Variants in PRKCH observed in about 807,000 individuals in gnomAD.
PRKCH encodes the protein protein kinase C eta.
Under a neutral mutation model 82.5 loss-of-function variants are expected in PRKCH, and 28 were observed. That is an observed-to-expected ratio of 0.34 (90% CI 0.25 to 0.47). PRKCH has a LOEUF of 0.47. Among genes scored for constraint, PRKCH ranks in the 20% least tolerant of loss-of-function variants. The pLI is 1.00. For missense variants in PRKCH, 705 were observed against 881.8 expected (o/e 0.80, Z 2.54); for synonymous variants, 322 against 327.4 (o/e 0.98, Z 0.18).
intron 9 of PRKCH, among the ~76,000 whole-genome samples, chr14:61,481,687 C>T (rs182007472): frequency 1.2e-4 from 18 of 152,326 alleles, no homozygotes; most frequent in Middle Eastern, 3.4e-3. Context: ...AAATGTCACC[C>T]CGATCCCACA....
At position 61,188,611 on chromosome 14, in the gene PRKCH, G is replaced by GTGT. The variant is rs1451024024; in HGVS notation, c.-19+943_-19+944insTGT. On this transcript the variant is annotated intron_variant, in intron 1 of 3. Coordinates refer to the PRKCH transcript ENST00000555185. The stretch of plus-strand genomic sequence containing the variant: ...TGTCGGGGGGGTGGGGGGGTGGTGT[G>GTGT]GTGTGTGTGTGTGTGTGTGTGTGTG... 3.9e-5 allele frequency among the ~76,000 whole-genome samples: 2 copies of GTGT among 51,026 alleles called. 1 individual carries two copies. Among genetic ancestry groups the GTGT allele is most frequent in the African/African-American group, 1.4e-4 (2 of 14,286 alleles). 33.5% of individuals were successfully genotyped at this position (51,026 alleles called of 152,430 possible). A position where few individuals can be genotyped will look rare whatever the true frequency, so the allele number is the denominator to read the frequency against.
intron 7 of PRKCH, among the ~76,000 whole-genome samples, chr14:61,454,090 T>C (rs80156123): frequency 6.1e-5 from 9 of 146,738 alleles, no homozygotes; most frequent in East Asian, 2.3e-4. Flanking sequence ...CTTTCTTTCC[T>C]TTTTTTTTTC....
rs1369042178 is a variant in PRKCH at position 61,433,745 on chromosome 14, A to G, written c.428-9366A>G. Among the ~76,000 whole-genome samples the G allele has an allele frequency of 1.2e-4, 19 of 152,368 alleles. No homozygotes were observed. In the East Asian group the frequency reaches 3.1e-3, roughly 25 times the overall value. On this transcript the variant is annotated intron_variant, in intron 2 of 13. Transcript: ENST00000332981. ...AAGAACAGAAACAGCAACTTTTAAA[A>G]AGATATGAAAAGATGTTTTGGGTGA...
intron 2 of PRKCH, among the ~76,000 whole-genome samples, chr14:61,439,517 CT>C (rs1883850114): frequency 1.3e-5 from 2 of 152,186 alleles, no homozygotes; most frequent in African/African-American, 4.8e-5. Context: ...GTCCATGTCC[CT>C]GTATGAAAGT....
chr14:61,475,738 T>C (rs1885701996), intron 9 of PRKCH, among the ~76,000 whole-genome samples: 1 of 152,244 alleles, frequency 6.6e-6, no homozygotes, highest in Non-Finnish European at 1.5e-5. Flanking sequence ...AGTGTATGTT[T>C]TTTACTTTTT....
chr14:61,207,148 C>A (rs1294217113), intron 1 of PRKCH, among the ~76,000 whole-genome samples: 2 of 139,840 alleles, frequency 1.4e-5, no homozygotes, highest in African/African-American at 5.2e-5. Context: ...GTACTGACAT[C>A]CCCTAAGGGC....
At chr14:61,288,728 G>C (rs570378632) in intron 1 of PRKCH, among the ~76,000 whole-genome samples, 1 of 152,312 alleles carries the variant, frequency 6.6e-6, no homozygotes, top group Admixed American at 6.5e-5. Flanking sequence ...AGTTCACTCA[G>C]AGCAGGCTCT....
At chr14:61,284,085 G>A (rs1003896838) in intron 1 of PRKCH, among the ~76,000 whole-genome samples, 21 of 152,186 alleles carry the variant, frequency 1.4e-4, no homozygotes, top group African/African-American at 4.1e-4. Flanking sequence ...GGCTGGAGAC[G>A]CTGATCCACC....
chr14:61,530,644 GTTTCATGTGCTGC>G, intron 12 of PRKCH, 49 bp downstream of exon 12: 1 of 1,525,382 alleles, frequency 6.6e-7, no homozygotes, highest in Non-Finnish European at 8.9e-7. Flanking sequence ...AAACCAGCTT[GTTTCATGTGCTGC>G]TTGAGTCTTT....
intron 10 of PRKCH, among the ~76,000 whole-genome samples, chr14:61,506,219 A>G (rs1887141891): frequency 6.6e-6 from 1 of 152,210 alleles, no homozygotes; most frequent in Non-Finnish European, 1.5e-5. Flanking sequence ...TGACAGAAAT[A>G]CTGTGCTCAG....
At chr14:61,290,045 G>C (rs966961313) in intron 1 of PRKCH, among the ~76,000 whole-genome samples, 1 of 152,164 alleles carries the variant, frequency 6.6e-6, no homozygotes, top group African/African-American at 2.4e-5. Flanking sequence ...TGTTATCCCA[G>C]CACTTGGGGA....
intron 1 of PRKCH, among the ~76,000 whole-genome samples, chr14:61,324,447 AT>A (rs753285080): frequency 2.0e-5 from 3 of 151,990 alleles, no homozygotes; most frequent in African/African-American, 4.8e-5. Flanking sequence ...CAGAAGGCAG[AT>A]TTTTTTTTTG....
At chr14:61,373,544 A>T (rs1199891961) in intron 1 of PRKCH, among the ~76,000 whole-genome samples, 1 of 151,848 alleles carries the variant, frequency 6.6e-6, no homozygotes, top group East Asian at 1.9e-4. Context: ...GGCCCCTCCC[A>T]AATCTCATGT....
At position 61,280,087 on chromosome 14, in the gene PRKCH, C is replaced by T; in HGVS notation, c.-19+92419C>T. The T allele has an allele frequency of 2.5e-6, 4 of 1,601,538 alleles. No homozygotes were observed. In the South Asian group the frequency reaches 3.4e-5, roughly 13 times the overall value. On this transcript the variant is annotated intron_variant, in intron 1 of 3. Coordinates refer to the PRKCH transcript ENST00000555185. This position sits in a 1 kb window ranked among gnomAD's most constrained non-coding sequence, Gnocchi z 5.0. ...GAAGCAGGAGGGATCCCTGGAAAGC[C>T]GGAATCACTCCTCGTCGTCGTCGTC...
chr14:61,259,674 T>C (rs2045029598), intron 1 of PRKCH, among the ~76,000 whole-genome samples: 1 of 152,220 alleles, frequency 6.6e-6, no homozygotes, highest in Admixed American at 6.5e-5. Context: ...GGTCAATTAA[T>C]CTTTTCAATA....
chr14:61,382,202 A>G (rs2046521330), intron 1 of PRKCH, among the ~76,000 whole-genome samples: 1 of 152,186 alleles, frequency 6.6e-6, no homozygotes. Context: ...AGGCTGAGGC[A>G]GGTGGATCAC....
rs112045119 is a variant in PRKCH, at chr14:61,532,146, T to C, written c.1761+1551T>C. On this transcript the variant is annotated intron_variant, in intron 12 of 13. Transcript: ENST00000332981. ...CCTTCATCATACTAATGGTTTTCCA[T>C]GCTCCACATATTTAGTCCAATTACT... is the stretch of plus-strand genomic sequence containing the variant. 8.7e-3 allele frequency among the ~76,000 whole-genome samples: 1,328 copies of C among 152,286 alleles called. 25 individuals carry two copies. Among genetic ancestry groups the C allele is most frequent in the African/African-American group, 0.03 (1,243 of 41,554 alleles).
chr14:61,424,409 C>T (rs934460758), intron 2 of PRKCH, among the ~76,000 whole-genome samples: 2 of 152,104 alleles, frequency 1.3e-5, no homozygotes, highest in Admixed American at 6.5e-5. Context: ...ATGCTGATAG[C>T]GACATGGACA....
chr14:61,218,124 C>T (rs573886889), intron 1 of PRKCH, among the ~76,000 whole-genome samples: 49 of 152,264 alleles, frequency 3.2e-4, no homozygotes, highest in South Asian at 6.2e-4. Flanking sequence ...TTCATAGAAG[C>T]ATTATCTACT....
Sources: gnomAD v4.1 joint callset for allele counts (sites outside exome capture counted in the v4.1 genomes callset) on GRCh38, gnomAD v4.1.1 for gene constraint, Gnocchi (gnomAD v3.1) non-coding constraint, MANE v1.5 for transcripts, NCBI Gene and HGNC (gene_info 2026-07-23, HGNC 2026-07-21) for gene names.